PHACTR1: variants seen among roughly 807,000 people sequenced by gnomAD.
PHACTR1 encodes the protein phosphatase and actin regulator 1, also known as RPEL repeat containing 1.
A neutral mutation model predicts 69.2 loss-of-function variants in PHACTR1; 16 were observed. That is an observed-to-expected ratio of 0.23 (90% CI 0.16 to 0.35). The LOEUF is 0.35. Ranked by LOEUF, PHACTR1 falls within the 10% of genes least tolerant of loss-of-function variation. The pLI is 1.00. For missense variants in PHACTR1, 510 were observed against 734.7 expected (o/e 0.69, Z 3.54); for synonymous variants, 312 against 284.5 (o/e 1.10, Z -0.97).
At chr6:13,153,464 A>C (rs1486944637) in intron 5 of PHACTR1, among the ~76,000 whole-genome samples, 1 of 152,200 alleles carries the variant, frequency 6.6e-6, no homozygotes, top group African/African-American at 2.4e-5. Context: ...CTTGTCAGCT[A>C]ACATTGTTGG....
At chr6:13,099,920 G>T (rs916151784) in intron 5 of PHACTR1, among the ~76,000 whole-genome samples, 1 of 152,136 alleles carries the variant, frequency 6.6e-6, no homozygotes, top group Non-Finnish European at 1.5e-5. Flanking sequence ...AATCAGGAAG[G>T]GTTGTTGATT....
At chr6:12,899,532 T>C (rs1784989242) in intron 4 of PHACTR1, among the ~76,000 whole-genome samples, 1 of 152,184 alleles carries the variant, frequency 6.6e-6, no homozygotes, top group Non-Finnish European at 1.5e-5. Context: ...CTTGCAAGTA[T>C]TCATAAAAAT....
At chr6:13,103,839 T>C (rs531671276) in intron 5 of PHACTR1, among the ~76,000 whole-genome samples, 1 of 152,332 alleles carries the variant, frequency 6.6e-6, no homozygotes, top group African/African-American at 2.4e-5. Context: ...ATCCCAGCAC[T>C]TTGGGAGGCC....
At chr6:12,864,126 T>C (rs1354895972) in intron 4 of PHACTR1, among the ~76,000 whole-genome samples, 1 of 152,200 alleles carries the variant, frequency 6.6e-6, no homozygotes, top group Non-Finnish European at 1.5e-5. Flanking sequence ...TATTGGACTG[T>C]CTTACTAATC....
At chr6:13,070,383 G>GA (rs1424833040) in intron 5 of PHACTR1, among the ~76,000 whole-genome samples, 1 of 152,194 alleles carries the variant, frequency 6.6e-6, no homozygotes, top group Non-Finnish European at 1.5e-5. Flanking sequence ...TGACAAGTGT[G>GA]AACTAGCTGC....
chr6:12,745,696 T>C (rs1297480590), intron 3 of PHACTR1, among the ~76,000 whole-genome samples: 1 of 152,202 alleles, frequency 6.6e-6, no homozygotes, highest in Non-Finnish European at 1.5e-5. Context: ...TGTATTTTCT[T>C]AGATTAAGAG....
At chr6:12,913,044 G>A (rs1377935976) in intron 4 of PHACTR1, among the ~76,000 whole-genome samples, 3 of 152,168 alleles carry the variant, frequency 2.0e-5, no homozygotes, top group Non-Finnish European at 4.4e-5. Context: ...CTTCATACCT[G>A]TTCCCCTATC....
At chr6:13,148,235 A>G (rs2113417802) in intron 5 of PHACTR1, among the ~76,000 whole-genome samples, 1 of 151,312 alleles carries the variant, frequency 6.6e-6, no homozygotes, top group South Asian at 2.1e-4. Context: ...GAATTGTATA[A>G]TGATATAACT....
intron 4 of PHACTR1, among the ~76,000 whole-genome samples, chr6:13,000,341 A>G (rs1394998698): frequency 6.6e-6 from 1 of 152,146 alleles, no homozygotes; most frequent in African/African-American, 2.4e-5. Flanking sequence ...TGAGCCCAGG[A>G]GTTCAAGACT....
At chr6:13,016,587 A>G (rs1800205007) in intron 4 of PHACTR1, among the ~76,000 whole-genome samples, 1 of 152,238 alleles carries the variant, frequency 6.6e-6, no homozygotes. Context: ...TGAGAGGTAC[A>G]TAAAAGGTGA....
intron 5 of PHACTR1, among the ~76,000 whole-genome samples, chr6:13,159,135 G>A (rs2113527625): frequency 1.3e-5 from 2 of 152,288 alleles, no homozygotes; most frequent in South Asian, 4.1e-4. Context: ...CACACCCACT[G>A]TTACCTCTTC....
In PHACTR1 at chr6:12,935,487, GC is replaced by G. The variant is rs767494777; in HGVS notation, c.251-117876del. ...TCGAACTTTTGACCTCAAGTGATCT[GC>G]CTGCCTCGGCCTCCCAAAGTGCTGG... On this transcript the variant is annotated intron_variant, in intron 4 of 14. Coordinates refer to ENST00000332995, the MANE Select transcript of PHACTR1 (RefSeq NM_030948.6). Among the ~76,000 whole-genome samples, 12 of 152,034 alleles carry G rather than the reference GC, an allele frequency of 7.9e-5. No individual in the cohort carries two copies. The East Asian group carries it at 1.2e-3, about 15-fold the overall frequency.
At chr6:13,020,513 G>T (rs370926273) in intron 4 of PHACTR1, among the ~76,000 whole-genome samples, 5 of 152,272 alleles carry the variant, frequency 3.3e-5, no homozygotes, top group Non-Finnish European at 5.9e-5. Context: ...TCCTCCCTGG[G>T]GGTGAAGGCC....
At chr6:12,952,074 A>C (rs1171956324) in intron 4 of PHACTR1, among the ~76,000 whole-genome samples, 2 of 152,196 alleles carry the variant, frequency 1.3e-5, no homozygotes, top group Non-Finnish European at 2.9e-5. Flanking sequence ...CATATTTTAA[A>C]AAAACAGGCA....
chr6:13,285,077 A>T (rs45450), intron 13 of PHACTR1, among the ~76,000 whole-genome samples: 38,241 of 152,146 alleles, frequency 0.25, 8,068 homozygotes, highest in African/African-American at 0.57. Context: ...TCTCCTGTCC[A>T]CACTCTCTCT....
At chr6:12,831,797 C>T (rs1274152317) in intron 4 of PHACTR1, among the ~76,000 whole-genome samples, 2 of 152,130 alleles carry the variant, frequency 1.3e-5, no homozygotes, top group South Asian at 2.1e-4. Context: ...ATGGAAAATA[C>T]ACTTCTCATT....
intron 5 of PHACTR1, among the ~76,000 whole-genome samples, chr6:13,102,763 A>C (rs1456511720): frequency 6.6e-6 from 1 of 152,212 alleles, no homozygotes; most frequent in Non-Finnish European, 1.5e-5. Context: ...TATTTTGAAA[A>C]GCTCACAAAA....
At chr6:12,922,647 C>T (rs927879741) in intron 4 of PHACTR1, among the ~76,000 whole-genome samples, 3 of 152,206 alleles carry the variant, frequency 2.0e-5, no homozygotes, top group Admixed American at 1.3e-4. Flanking sequence ...TTCACTCCTC[C>T]TACTATCCTT....
chr6:13,011,704 C>T (rs1019101547), intron 4 of PHACTR1, among the ~76,000 whole-genome samples: 21 of 152,084 alleles, frequency 1.4e-4, no homozygotes, highest in South Asian at 4.1e-4. Context: ...GAGAGTAAGG[C>T]GGAAAAGGCA....
Sources: allele counts gnomAD v4.1 joint callset (sites outside exome capture counted in the v4.1 genomes callset), GRCh38; gene constraint gnomAD v4.1.1; transcripts MANE v1.5; gene names NCBI Gene and HGNC (gene_info 2026-07-23, HGNC 2026-07-21).